SPG7: variants seen among roughly 807,000 people sequenced by gnomAD.
SPG7 encodes SPG7 matrix AAA peptidase subunit, paraplegin.
Under a neutral mutation model 81.9 loss-of-function variants are expected in SPG7, and 103 were observed. That is an observed-to-expected ratio of 1.26 (90% CI 1.07 to 1.48). The LOEUF (loss-of-function observed/expected upper bound fraction) is 1.48, where lower values mean the gene tolerates loss of function less well. Ranked by LOEUF, SPG7 falls within the 40% of genes most tolerant of loss-of-function variation. The pLI is 0.00. For synonymous variants in SPG7, 534 were observed against 444.2 expected (o/e 1.20, Z -2.54); for missense variants, 1,241 against 1,087.3 (o/e 1.14, Z -1.99).
intron 9 of SPG7, chr16:89,537,283 G>T: frequency 7.7e-6 from 10 of 1,305,010 alleles, no homozygotes; most frequent in African/African-American, 1.7e-5. Flanking sequence ...GCGGACCCCA[G>T]AGCCCCCGGG....
intron 16 of SPG7, chr16:89,554,844 CTT>C: frequency 2.5e-6 from 1 of 402,684 alleles, no homozygotes; most frequent in Non-Finnish European, 4.6e-6. Context: ...TTTGTTTAAT[CTT>C]TTCCCAAGTC....
intron 9 of SPG7, chr16:89,539,087 C>T (rs7193472): frequency 0.5 from 76,137 of 152,096 alleles, 19,434 homozygotes; most frequent in Non-Finnish European, 0.55. Context: ...GAGTGTTTTC[C>T]AGGGCTCTGA....
At chr16:89,553,176 T>G (rs753704720) in intron 14 of SPG7, 41 bp downstream of exon 14, 2 of 1,557,940 alleles carry the variant, frequency 1.3e-6, no homozygotes. Context: ...TTCAGAGCGC[T>G]TTTCCCTGCA....
intron 2 of SPG7, among the ~76,000 whole-genome samples, chr16:89,512,172 A>T (rs998152689): frequency 1.3e-5 from 2 of 151,936 alleles, no homozygotes; most frequent in African/African-American, 4.8e-5. Context: ...CGGCCTCCCA[A>T]AGTGCTGGGA....
intron 10 of SPG7, 36 bp from the exon 11 acceptor site, chr16:89,546,622 T>G: frequency 1.4e-6 from 2 of 1,457,338 alleles, no homozygotes; most frequent in Non-Finnish European, 1.9e-6. Context: ...TAACTAGGCT[T>G]GAGCCCGACT....
intron 13 of SPG7, 94 bp from the exon 14 acceptor site, chr16:89,552,885 C>G (rs112372464): frequency 8.1e-7 from 1 of 1,236,208 alleles, no homozygotes. Flanking sequence ...TGCTTTGAGA[C>G]GCTTTAATGA....
rs374751028 is a variant in SPG7 at position 89,556,206 on chromosome 16, G to A, written c.2182-681G>A. On this transcript the variant is annotated intron_variant, in intron 16 of 16. Transcript: ENST00000645818. ...CCCACACCAGCCCTAGAGAGGAAGT[G>A]TTTGTCTCTTGCAATACAGCCACAG... 16 of 399,228 alleles carry A rather than the reference G, an allele frequency of 4.0e-5. No individual in the cohort carries two copies. The East Asian group carries it at 5.0e-4, about 12-fold the overall frequency. The allele number at this position is 399,228 out of a possible 1,614,324, so 24.7% of individuals were successfully genotyped here.
intron 12 of SPG7, chr16:89,548,462 A>C: frequency 3.2e-6 from 1 of 315,684 alleles, no homozygotes; most frequent in Admixed American, 4.9e-5. Flanking sequence ...CCCCAGCCTC[A>C]TGGGGGCTGA....
At chr16:89,528,087 A>G (rs1440271290) in intron 5 of SPG7, among the ~76,000 whole-genome samples, 2 of 150,956 alleles carry the variant, frequency 1.3e-5, no homozygotes, top group African/African-American at 4.9e-5. Flanking sequence ...TAGGCCGATG[A>G]TGGACAGAAG....
intron 2 of SPG7, among the ~76,000 whole-genome samples, chr16:89,511,146 CTTTTTTAAAAA>C (rs1170536461): frequency 1.3e-5 from 2 of 152,080 alleles, no homozygotes; most frequent in Non-Finnish European, 2.9e-5. Flanking sequence ...CCAAGTTGTC[CTTTTTTAAAAA>C]AAATTCTGCT....
rs1171213688 is a variant in SPG7 at position 89,553,893 on chromosome 16, C to T, written c.2036C>T (p.Ala679Val). Residue 679 changes from alanine (A) to valine (V), a missense_variant, in exon 15 of 17, where the codon GCG (alanine) becomes GTG (valine). Transcript: ENST00000645818. ...ATCGGGCCCATCTCCTTCCCTGAGG[C>T]GCAGGAGGGCCTCATGGGCATCGGG... is the stretch of plus-strand genomic sequence containing the variant. ...PGIGPISFPE[A>V]QEGLMGIGRR... is the part of the protein sequence containing the mutation. 9.9e-6 allele frequency: 16 copies of T among 1,613,012 alleles called. No individual in the cohort carries two copies. Among genetic ancestry groups the T allele is most frequent in the African/African-American group, 1.3e-5 (1 of 74,946 alleles).
intron 5 of SPG7, among the ~76,000 whole-genome samples, chr16:89,528,264 T>C (rs1369057618): frequency 2.0e-5 from 3 of 151,638 alleles, no homozygotes; most frequent in South Asian, 4.2e-4. Flanking sequence ...CGGTGGCGGG[T>C]GCCTGTAGTC....
intron 9 of SPG7, among the ~76,000 whole-genome samples, chr16:89,535,182 A>G (rs2058396062): frequency 6.6e-6 from 1 of 152,194 alleles, no homozygotes; most frequent in Admixed American, 6.5e-5. Context: ...TGAGGTTTAC[A>G]GTGTCGCTGC....
rs185798550 is a variant in SPG7, at chr16:89,510,044, G to C, written c.184-446G>C. 9.1e-4 allele frequency among the ~76,000 whole-genome samples: 138 copies of C among 151,942 alleles called. 3 individuals carry two copies. The highest frequency in any genetic ancestry group is 1.3e-4 in the Non-Finnish European group (9 of 67,970). ...GCCTGGAGTGCAGTGGTGCTATCTC[G>C]GCTTACTGCAACCTCTGCCTCCCGG... is the stretch of plus-strand genomic sequence containing the variant. On this transcript the variant is annotated intron_variant, in intron 1 of 16. Transcript: ENST00000645818.
chr16:89,548,454 C>G, intron 12 of SPG7: 1 of 326,296 alleles, frequency 3.1e-6, no homozygotes, highest in Non-Finnish European at 5.9e-6. Flanking sequence ...CAGCCTAGCC[C>G]CAGCCTCATG....
At chr16:89,552,708 A>G (rs908976475) in intron 13 of SPG7, 15 of 481,470 alleles carry the variant, frequency 3.1e-5, no homozygotes, top group Admixed American at 1.9e-4. Flanking sequence ...GCTGTCTTCT[A>G]CGGGCCTTGT....
intron 9 of SPG7, chr16:89,541,842 C>T (rs187661570): frequency 3.3e-4 from 51 of 152,358 alleles, no homozygotes; most frequent in African/African-American, 1.2e-3. Context: ...GAGCATGTGT[C>T]CAGTCCCAGG....
intron 4 of SPG7, 104 bp downstream of exon 4, chr16:89,524,351 C>A: frequency 7.5e-7 from 1 of 1,332,848 alleles, no homozygotes; most frequent in Non-Finnish European, 1.0e-6. Flanking sequence ...TGGGCGCTGG[C>A]TGTTGCCATC....
At chr16:89,536,478 GGGTGAGGT>G (rs2058420318) in intron 9 of SPG7, among the ~76,000 whole-genome samples, 1 of 111,562 alleles carries the variant, frequency 9.0e-6, no homozygotes, top group East Asian at 3.1e-4. Context: ...CGGGTGAGGC[GGGTGAGGT>G]CAGGTGAGGC....
Sources: gnomAD v4.1 joint callset for allele counts (sites outside exome capture counted in the v4.1 genomes callset) on GRCh38, gnomAD v4.1.1 for gene constraint, MANE v1.5 for transcripts, NCBI Gene and HGNC (gene_info 2026-07-23, HGNC 2026-07-21) for gene names.